The following MAGI2 variants were observed in gnomAD, a reference collection of about 807,000 sequenced individuals.
MAGI2 encodes the protein membrane-associated guanylate kinase, WW and PDZ domain-containing protein 2.
Under a neutral mutation model 133.3 loss-of-function variants are expected in MAGI2, and 35 were observed. The ratio of observed to expected loss-of-function variants is 0.26; its 90% CI spans 0.20 to 0.35. The LOEUF (loss-of-function observed/expected upper bound fraction) is 0.35, where lower values mean the gene tolerates loss of function less well. Ranked by LOEUF, MAGI2 falls within the 10% of genes least tolerant of loss-of-function variation. The pLI is 1.00. For missense variants in MAGI2, 1,636 were observed against 1,863.4 expected (o/e 0.88, Z 2.25); for synonymous variants, 729 against 710.6 (o/e 1.03, Z -0.41).
At chr7:78,936,884 G>A (rs2151669963) in intron 2 of MAGI2, among the ~76,000 whole-genome samples, 1 of 151,962 alleles carries the variant, frequency 6.6e-6, no homozygotes, top group East Asian at 1.9e-4. Context: ...CTACAGAAAT[G>A]AATATAAACA....
Position 79,112,224 on chromosome 7 carries a change from GA to G in MAGI2, c.302-105019del, listed in dbSNP as rs1008165872. Among the ~76,000 whole-genome samples, 20 of 151,586 alleles carry G rather than the reference GA, an allele frequency of 1.3e-4. No individual in the cohort carries two copies. The East Asian group carries it at 1.5e-3, about 12-fold the overall frequency. On this transcript the variant is annotated intron_variant, in intron 1 of 21. Transcript: ENST00000354212. The stretch of plus-strand genomic sequence containing the variant: ...ATCTCTGTAAGCGAATAGTTATCTG[GA>G]AAAAAAATCTCATCAGCACAGCAAT...
intron 20 of MAGI2, among the ~76,000 whole-genome samples, chr7:78,109,322 A>G (rs1819091034): frequency 7.1e-6 from 1 of 140,152 alleles, no homozygotes; most frequent in South Asian, 2.3e-4. Flanking sequence ...AAAAAAAAAA[A>G]AAAAAAAAAA....
At chr7:78,932,636 G>A (rs1800223541) in intron 2 of MAGI2, among the ~76,000 whole-genome samples, 1 of 152,012 alleles carries the variant, frequency 6.6e-6, no homozygotes, top group Non-Finnish European at 1.5e-5. Context: ...AGCAAAGATA[G>A]GTCACAATGA....
At chr7:79,237,279 G>A (rs1832004998) in intron 1 of MAGI2, among the ~76,000 whole-genome samples, 1 of 152,172 alleles carries the variant, frequency 6.6e-6, no homozygotes, top group Non-Finnish European at 1.5e-5. Context: ...TGGATCACGA[G>A]GTCAGGCGAT....
chr7:79,072,553 A>G (rs1815085069), intron 1 of MAGI2, among the ~76,000 whole-genome samples: 1 of 152,216 alleles, frequency 6.6e-6, no homozygotes, highest in African/African-American at 2.4e-5. Flanking sequence ...AAGGTAAATC[A>G]TAGGAACTGA....
At chr7:78,969,751 T>C (rs72612608) in intron 2 of MAGI2, among the ~76,000 whole-genome samples, 4,061 of 152,178 alleles carry the variant, frequency 0.027, 268 homozygotes, top group East Asian at 0.19. Flanking sequence ...TGACTCGAAA[T>C]TACTGCCTAC....
Position 79,028,245 on chromosome 7 carries a change from A to ATG in MAGI2, c.302-21040_302-21039insCA, listed in dbSNP as rs1562805054. On this transcript the variant is annotated intron_variant, in intron 1 of 21. Coordinates refer to ENST00000354212, the MANE Select transcript of MAGI2 (RefSeq NM_012301.4). ...TATATATATATGTATGTATATATAT[A>ATG]TATATATATATATATATATATATGT... is the stretch of plus-strand genomic sequence containing the variant. 4.6e-3 allele frequency among the ~76,000 whole-genome samples: 442 copies of ATG among 96,190 alleles called. 6 individuals are homozygous for ATG. The highest frequency in any genetic ancestry group is 0.018 in the African/African-American group (430 of 23,538). 63.1% of individuals were successfully genotyped at this position (96,190 alleles called of 152,430 possible).
At chr7:79,055,555 C>CT (rs529654560) in intron 1 of MAGI2, among the ~76,000 whole-genome samples, 3,629 of 144,504 alleles carry the variant, frequency 0.025, 65 homozygotes, top group African/African-American at 0.047. Flanking sequence ...ATAGAACACA[C>CT]TTTTTTTTTT....
At chr7:78,544,985 C>A (rs981416070) in intron 3 of MAGI2, among the ~76,000 whole-genome samples, 4 of 151,272 alleles carry the variant, frequency 2.6e-5, no homozygotes. Flanking sequence ...AATCTAGTAT[C>A]CCTGGCTGTT....
At chr7:78,134,821 A>G (rs551475093) in intron 17 of MAGI2, 200 bp downstream of exon 17, 5 of 546,970 alleles carry the variant, frequency 9.1e-6, no homozygotes, top group African/African-American at 5.6e-5. Flanking sequence ...TGAATGAAAC[A>G]GGTACTGAGT....
At chr7:79,097,353 T>C (rs1361998156) in intron 1 of MAGI2, among the ~76,000 whole-genome samples, 1 of 152,220 alleles carries the variant, frequency 6.6e-6, no homozygotes, top group African/African-American at 2.4e-5. Flanking sequence ...TTTAAAGTAA[T>C]GCCTACATTT....
At chr7:78,577,972 TA>T (rs1424371640) in intron 3 of MAGI2, among the ~76,000 whole-genome samples, 4 of 151,658 alleles carry the variant, frequency 2.6e-5, no homozygotes, top group Non-Finnish European at 5.9e-5. Context: ...TCAGAGGAGA[TA>T]TTTTTATCCT....
In MAGI2 at chr7:79,091,599, C is replaced by G. The variant is rs528228844; in HGVS notation, c.302-84393G>C. Among the ~76,000 whole-genome samples, 3 of 151,892 alleles carry G rather than the reference C, an allele frequency of 2.0e-5. No homozygotes were observed. The South Asian group carries it at 6.3e-4, about 32-fold the overall frequency. Reference sequence around the variant, plus strand: ...ATATTATGTTTTAAATACTATTTTACACATCTTTCTTTAAAAAAAGTCTCT... The same window carrying G: ...ATATTATGTTTTAAATACTATTTTAGACATCTTTCTTTAAAAAAAGTCTCT... On this transcript the variant is annotated intron_variant, in intron 1 of 21. Coordinates refer to ENST00000354212, the MANE Select transcript of MAGI2 (RefSeq NM_012301.4).
rs564265834 is a variant in MAGI2, at chr7:79,340,894, G to A, written c.301+112126C>T. ...GGTTTCAGGAAAGGAGCCAGCACGAGTCCTGGATCCTGGAGAAGCTCTTAG... is the reference window on the plus strand; with the variant it reads ...GGTTTCAGGAAAGGAGCCAGCACGAATCCTGGATCCTGGAGAAGCTCTTAG... On this transcript the variant is annotated intron_variant, in intron 1 of 21. Transcript: ENST00000354212. Among the ~76,000 whole-genome samples, 951 of 152,250 alleles carry A rather than the reference G, an allele frequency of 6.2e-3. 4 individuals carry two copies. Among genetic ancestry groups the A allele is most frequent in the Non-Finnish European group, 9.1e-3 (619 of 68,016 alleles).
intron 1 of MAGI2, among the ~76,000 whole-genome samples, chr7:79,049,838 G>C (rs1009912558): frequency 2.0e-5 from 3 of 151,842 alleles, no homozygotes; most frequent in Non-Finnish European, 4.4e-5. Context: ...TCTAAAATCG[G>C]CCTTGTTATT....
chr7:79,418,433 T>A (rs1052280917), intron 1 of MAGI2, among the ~76,000 whole-genome samples: 2 of 152,074 alleles, frequency 1.3e-5, no homozygotes, highest in Non-Finnish European at 2.9e-5. Flanking sequence ...CTAAAAATAT[T>A]CCTTCCTATT....
chr7:78,071,241 T>C (rs776178621), intron 21 of MAGI2, among the ~76,000 whole-genome samples: 7 of 152,154 alleles, frequency 4.6e-5, no homozygotes, highest in Admixed American at 2.6e-4. Context: ...TTGTGTTCTT[T>C]AAGAAAGCCC....
At chr7:79,199,372 A>G (rs1457094473) in intron 1 of MAGI2, among the ~76,000 whole-genome samples, 1 of 152,034 alleles carries the variant, frequency 6.6e-6, no homozygotes, top group African/African-American at 2.4e-5. Flanking sequence ...ACAATTGCTA[A>G]ACGTTTAAGA....
chr7:78,313,482 C>T (rs1364994168), intron 9 of MAGI2, among the ~76,000 whole-genome samples: 2 of 151,790 alleles, frequency 1.3e-5, no homozygotes, highest in Non-Finnish European at 2.9e-5. Context: ...ATGCATTTTC[C>T]AATTTGAATA....
Sources: allele counts gnomAD v4.1 joint callset (sites outside exome capture counted in the v4.1 genomes callset), GRCh38; gene constraint gnomAD v4.1.1; transcripts MANE v1.5; gene names NCBI Gene and HGNC (gene_info 2026-07-23, HGNC 2026-07-21).